Variants in BTBD7 observed in about 807,000 individuals in gnomAD.
BTBD7 encodes the protein BTB/POZ domain-containing protein 7.
A neutral mutation model predicts 99.9 loss-of-function variants in BTBD7; 38 were observed. That is an observed-to-expected ratio of 0.38 (90% CI 0.29 to 0.50). The LOEUF (loss-of-function observed/expected upper bound fraction) is 0.50, where lower values mean the gene tolerates loss of function less well. BTBD7 is among the 20% of genes least tolerant of loss of function. The pLI is 0.93. For synonymous variants in BTBD7, 520 were observed against 511.4 expected (o/e 1.02, Z -0.23); for missense variants, 1,170 against 1,394.6 (o/e 0.84, Z 2.57).
chr14:93,289,386 A>C (rs962359726), intron 3 of BTBD7, among the ~76,000 whole-genome samples: 41 of 152,188 alleles, frequency 2.7e-4, no homozygotes, highest in African/African-American at 9.7e-4. Flanking sequence ...GTTCTATGCT[A>C]TGCATATCCC....
chr14:93,284,955 T>C (rs1016134433), intron 3 of BTBD7, among the ~76,000 whole-genome samples: 11 of 151,962 alleles, frequency 7.2e-5, no homozygotes, highest in African/African-American at 2.4e-4. Context: ...AAACTTTTTA[T>C]GTTTTATATA....
chr14:93,267,205 T>C (rs1307267692), intron 3 of BTBD7, among the ~76,000 whole-genome samples: 1 of 152,138 alleles, frequency 6.6e-6, no homozygotes, highest in Non-Finnish European at 1.5e-5. Context: ...AAAGATAACA[T>C]GATCACAAAT....
chr14:93,327,430 T>C (rs964697846), intron 1 of BTBD7, among the ~76,000 whole-genome samples: 1 of 152,194 alleles, frequency 6.6e-6, no homozygotes, highest in Non-Finnish European at 1.5e-5. Flanking sequence ...ATTATTTTTA[T>C]CAATCAAAAC....
chr14:93,262,468 G>A (rs925626115), intron 4 of BTBD7, among the ~76,000 whole-genome samples: 13 of 151,874 alleles, frequency 8.6e-5, no homozygotes, highest in Admixed American at 2.0e-4. Flanking sequence ...TCGTACTTCC[G>A]GGCTCAAGCA....
chr14:93,271,422 C>T (rs1198759515), intron 3 of BTBD7, among the ~76,000 whole-genome samples: 1 of 152,162 alleles, frequency 6.6e-6, no homozygotes, highest in Non-Finnish European at 1.5e-5. Flanking sequence ...TACAGCTTGC[C>T]ATGCAACATA....
chr14:93,292,789 T>C (rs528457201), intron 3 of BTBD7, among the ~76,000 whole-genome samples: 1 of 152,298 alleles, frequency 6.6e-6, no homozygotes, highest in East Asian at 1.9e-4. Context: ...CCCAAGTAGA[T>C]AGAACTACAA....
intron 3 of BTBD7, among the ~76,000 whole-genome samples, chr14:93,279,761 T>A (rs536914929): frequency 2.6e-5 from 4 of 152,216 alleles, no homozygotes; most frequent in Non-Finnish European, 5.9e-5. Context: ...TTGGCCAGAC[T>A]GATGGACTAT....
At chr14:93,300,369 T>C (rs2052980211) in intron 1 of BTBD7, among the ~76,000 whole-genome samples, 1 of 151,278 alleles carries the variant, frequency 6.6e-6, no homozygotes, top group Admixed American at 6.6e-5. Flanking sequence ...GTGATTTTCC[T>C]GCCCCACCCT....
At chr14:93,298,857 G>A (rs1399115191) in intron 1 of BTBD7, among the ~76,000 whole-genome samples, 1 of 152,172 alleles carries the variant, frequency 6.6e-6, no homozygotes, top group East Asian at 1.9e-4. Context: ...CAAACACTAG[G>A]GAAGTCAGAG....
chr14:93,294,530 A>G lies in BTBD7; in HGVS notation c.490T>C (p.Cys164Arg). The G allele has an allele frequency of 1.2e-6, 2 of 1,614,016 alleles. No homozygotes were observed. Among genetic ancestry groups the G allele is most frequent in the Non-Finnish European group, 1.7e-6 (2 of 1,179,956 alleles). The change falls in exon 3 of 11, where the codon TGT (cysteine) becomes CGT (arginine). Residue 164 changes from cysteine to arginine, a missense_variant. Cys to Arg is a radical substitution (Grantham distance 180). Around this residue, in one of 4 missense-constraint regions of BTBD7, gnomAD observed 359 missense variants for 497.9 expected, o/e 0.72. Coordinates refer to ENST00000334746, the MANE Select transcript of BTBD7 (RefSeq NM_001002860.4). ...GAAAGCAGTGTTTTAAAAAATGGACACCTTGCTGCCAAAATGGCACGATGA... is the reference window on the plus strand; with the variant it reads ...GAAAGCAGTGTTTTAAAAAATGGACGCCTTGCTGCCAAAATGGCACGATGA... ...PVHRAILAAR[C>R]PFFKTLLSSS... is the part of the protein sequence containing the mutation.
intron 1 of BTBD7, among the ~76,000 whole-genome samples, chr14:93,306,526 T>C (rs1046660290): frequency 6.6e-6 from 1 of 151,922 alleles, no homozygotes; most frequent in Non-Finnish European, 1.5e-5. Flanking sequence ...TTTCTAATAC[T>C]ATTAATAATA....
chr14:93,277,389 T>C (rs2052667994), intron 3 of BTBD7, among the ~76,000 whole-genome samples: 1 of 152,208 alleles, frequency 6.6e-6, no homozygotes, highest in African/African-American at 2.4e-5. Context: ...ACACCACATA[T>C]AGCCCTCTAC....
rs2052204503 is a variant in BTBD7, at chr14:93,239,969, T to A, written c.*2304A>T. On this transcript the variant is annotated 3_prime_UTR_variant, in exon 11 of 11. Transcript: ENST00000334746. ...AGTACCGGCGCAGTACATGAACATG[T>A]CAACATACATATGTGGCAGAAACAC... is the stretch of plus-strand genomic sequence containing the variant. 1 of 152,094 alleles carries A rather than the reference T, an allele frequency of 6.6e-6. No individual in the cohort carries two copies. The highest frequency in any genetic ancestry group is 1.5e-5 in the Non-Finnish European group (1 of 68,022). The allele number at this position is 152,094 out of a possible 1,614,324, so 9.4% of individuals were successfully genotyped here.
At chr14:93,274,184 T>C (rs921907617) in intron 3 of BTBD7, among the ~76,000 whole-genome samples, 3 of 152,234 alleles carry the variant, frequency 2.0e-5, no homozygotes, top group Non-Finnish European at 4.4e-5. Context: ...GAGTCTTTTG[T>C]AGAGGTGTGG....
intron 3 of BTBD7, among the ~76,000 whole-genome samples, chr14:93,285,980 G>A (rs1185271695): frequency 6.6e-6 from 1 of 152,106 alleles, no homozygotes; most frequent in African/African-American, 2.4e-5. Flanking sequence ...CTGCAGGATG[G>A]GGACTCCACA....
At chr14:93,303,754 C>T (rs1405731405) in intron 1 of BTBD7, among the ~76,000 whole-genome samples, 1 of 152,226 alleles carries the variant, frequency 6.6e-6, no homozygotes, top group Non-Finnish European at 1.5e-5. Flanking sequence ...CCAAATGCTT[C>T]ATCCTGACCT....
chr14:93,268,666 A>G (rs931031616), intron 3 of BTBD7, among the ~76,000 whole-genome samples: 1 of 152,042 alleles, frequency 6.6e-6, no homozygotes, highest in African/African-American at 2.4e-5. Flanking sequence ...AAGGTTATAC[A>G]TCTAGGAAGA....
At chr14:93,285,164 G>C (rs777291897) in intron 3 of BTBD7, among the ~76,000 whole-genome samples, 39 of 152,258 alleles carry the variant, frequency 2.6e-4, no homozygotes, top group Admixed American at 2.2e-3. Context: ...CTGAGACAGA[G>C]GGAAGAGTGT....
At chr14:93,310,019 G>A (rs576736804) in intron 1 of BTBD7, among the ~76,000 whole-genome samples, 4 of 152,092 alleles carry the variant, frequency 2.6e-5, no homozygotes, top group Admixed American at 6.5e-5. Flanking sequence ...AGGCTGGGGT[G>A]CCGTGGCACA....
Sources: gnomAD v4.1 joint callset for allele counts (sites outside exome capture counted in the v4.1 genomes callset) on GRCh38, gnomAD v4.1.1 for gene constraint, gnomAD v4.1.1 regional missense constraint, MANE v1.5 for transcripts, NCBI Gene and HGNC (gene_info 2026-07-23, HGNC 2026-07-21) for gene names.